Variants in DDTL observed in about 807,000 individuals in gnomAD.
DDTL encodes the protein putative D-dopachrome decarboxylase-like protein.
In DDTL, 1 loss-of-function variant was observed where a neutral mutation model predicts 1.1. The ratio of observed to expected loss-of-function variants is 0.91; its 90% CI spans 0.32 to 4.31. DDTL has a LOEUF of 4.31. Ranked by LOEUF, DDTL falls within the 30% of genes most tolerant of loss-of-function variation. The probability of loss-of-function intolerance (pLI) is 0.17; values close to 1 mark genes in which losing one functional copy is unlikely to be tolerated. For synonymous variants in DDTL, 21 were observed against 16.6 expected (o/e 1.26, Z -0.64); for missense variants, 54 against 48.9 (o/e 1.10, Z -0.31).
intron 2 of DDTL, 109 bp from the exon 3 acceptor site, chr22:23,971,176 GA>G: frequency 2.0e-6 from 3 of 1,487,530 alleles, no homozygotes; most frequent in South Asian, 2.8e-5. Flanking sequence ...GCCCCAGCTG[GA>G]CCAGCTGCTC....
rs538185397 is a variant in DDTL at position 23,969,346 on chromosome 22, G to A, written c.284+1785G>A. The A allele has an allele frequency of 4.1e-6, 4 of 985,516 alleles. No homozygotes were observed. In the African/African-American group the frequency reaches 5.2e-5, roughly 13 times the overall value. 61.0% of individuals were successfully genotyped at this position (985,516 alleles called of 1,614,324 possible). On this transcript the variant is annotated intron_variant, in intron 2 of 2. Transcript: ENST00000215770. ...CTGTGCCCAACCTTTGAGAAAACAG[G>A]TGTCTGAGGTACTGTGTCCTTAGGG...
In DDTL at chr22:23,969,600, C is replaced by T. The variant is rs2033862536; in HGVS notation, c.285-1686C>T. The T allele has an allele frequency of 1.2e-5, 12 of 985,370 alleles. No homozygotes were observed. In the South Asian group the frequency reaches 4.7e-4, roughly 39 times the overall value. 61.0% of individuals were successfully genotyped at this position (985,370 alleles called of 1,614,324 possible). A position where few individuals can be genotyped will look rare whatever the true frequency, so the allele number is the denominator to read the frequency against. ...GCAAAATGGGCTGAGGTGGGAGGAT[C>T]ACTTAAGCCCAGGAATTCAAGACCA... is the stretch of plus-strand genomic sequence containing the variant. On this transcript the variant is annotated intron_variant, in intron 2 of 2. Coordinates refer to ENST00000215770, the MANE Select transcript of DDTL (RefSeq NM_001084393.2).
chr22:23,970,727 AGTGT>A (rs1271918578), intron 2 of DDTL, among the ~76,000 whole-genome samples: 2 of 152,104 alleles, frequency 1.3e-5, no homozygotes, highest in Admixed American at 6.5e-5. Context: ...TGTGTCCATG[AGTGT>A]GTAAGTGTGC....
chr22:23,971,631 A>G lies in DDTL; in HGVS notation c.*225A>G. 1 of 1,600,478 alleles carries G rather than the reference A, an allele frequency of 6.2e-7. No individual in the cohort carries two copies. Among genetic ancestry groups the G allele is most frequent in the Non-Finnish European group, 8.6e-7 (1 of 1,168,482 alleles). Reference sequence around the variant, plus strand: ...AAAAAGCGGATAAGTATCCTTCAGGAGACAGAGAAAAAGATATCATCAGCT... The same window carrying G: ...AAAAAGCGGATAAGTATCCTTCAGGGGACAGAGAAAAAGATATCATCAGCT... On this transcript the variant is annotated 3_prime_UTR_variant, in exon 3 of 3. Transcript: ENST00000215770.
chr22:23,969,727 A>G (rs570540010), intron 2 of DDTL: 3 of 981,516 alleles, frequency 3.1e-6, no homozygotes, highest in Non-Finnish European at 3.6e-6. Flanking sequence ...GCTGAGGCAG[A>G]AGGTTTGTTT....
intron 2 of DDTL, 101 bp from the exon 3 acceptor site, chr22:23,971,185 C>T: frequency 6.6e-7 from 1 of 1,505,472 alleles, no homozygotes. Context: ...GGACCAGCTG[C>T]TCACACCTTC....
chr22:23,970,869 A>G lies in DDTL; in HGVS notation c.285-417A>G, dbSNP rs142132285. Among the ~76,000 whole-genome samples, 677 of 152,230 alleles carry G rather than the reference A, an allele frequency of 4.4e-3. 5 individuals are homozygous for G. The highest frequency in any genetic ancestry group is 7.8e-3 in the Non-Finnish European group (529 of 68,000). ...ATGAAAAGTGGTGCTACTGCCAGGA[A>G]GGGGTGATGGGGCAGCTGGGAGGAC... On this transcript the variant is annotated intron_variant, in intron 2 of 2. Coordinates refer to ENST00000215770, the MANE Select transcript of DDTL (RefSeq NM_001084393.2).
rs970908409 is a variant in DDTL at position 23,971,018 on chromosome 22, G to A, written c.285-268G>A. Among the ~76,000 whole-genome samples, 472 of 152,360 alleles carry A rather than the reference G, an allele frequency of 3.1e-3. 6 individuals are homozygous for A. The highest frequency in any genetic ancestry group is 0.03 in the East Asian group (158 of 5,184). ...CCCCAAAGGGACACAGGCAACCCCT[G>A]CCTCCACTCTACAGTGGGGAAAAGG... On this transcript the variant is annotated intron_variant, in intron 2 of 2. Transcript: ENST00000215770.
At chr22:23,968,857 A>AT in intron 2 of DDTL, 1 of 10,996 alleles carries the variant, frequency 9.1e-5, no homozygotes, top group African/African-American at 3.5e-4. Flanking sequence ...ATTAGGTATT[A>AT]TAAGTAACCC....
chr22:23,970,015 G>A (rs4822466), intron 2 of DDTL: 126,616 of 266,120 alleles, frequency 0.48, 33,568 homozygotes, highest in South Asian at 0.58. Flanking sequence ...GAGGGACAGG[G>A]AAGGGTCCCT....
chr22:23,970,155 C>T (rs972323947), intron 2 of DDTL, among the ~76,000 whole-genome samples: 2 of 152,120 alleles, frequency 1.3e-5, no homozygotes, highest in South Asian at 4.1e-4. Context: ...CGCTGAGGGC[C>T]AAAGGCGGAG....
At chr22:23,970,396 G>A (rs1212339801) in intron 2 of DDTL, among the ~76,000 whole-genome samples, 1 of 152,064 alleles carries the variant, frequency 6.6e-6, no homozygotes, top group Admixed American at 6.6e-5. Flanking sequence ...TTGAGTATGT[G>A]GGTGGATAAG....
In DDTL at chr22:23,971,848, G is replaced by C. The variant is rs1476510000; in HGVS notation, c.*442G>C. On this transcript the variant is annotated 3_prime_UTR_variant, in exon 3 of 3. Coordinates refer to ENST00000215770, the MANE Select transcript of DDTL (RefSeq NM_001084393.2). ...CGCACATCATGACCCAGCTAGGACA[G>C]ACACACAATACAGTAGCCTCGGTGT... The C allele has an allele frequency of 3.5e-6, 2 of 567,858 alleles. No homozygotes were observed. Among genetic ancestry groups the C allele is most frequent in the Non-Finnish European group, 6.2e-6 (2 of 321,100 alleles). 35.2% of individuals were successfully genotyped at this position (567,858 alleles called of 1,614,324 possible). A position where few individuals can be genotyped will look rare whatever the true frequency, so the allele number is the denominator to read the frequency against.
At chr22:23,971,169 C>T in intron 2 of DDTL, 117 bp from the exon 3 acceptor site, 1 of 1,466,880 alleles carries the variant, frequency 6.8e-7, no homozygotes, top group South Asian at 1.4e-5. Context: ...CAGGAAGGCC[C>T]CAGCTGGACC....
Position 23,971,552 on chromosome 22 carries a change from CAT to C in DDTL, c.*148_*149del, listed in dbSNP as rs1252676122. On this transcript the variant is annotated 3_prime_UTR_variant, in exon 3 of 3. Transcript: ENST00000215770. ...TGCCCTGGATCCCTCCGTGCCCAAT[CAT>C]AAAAAAGTCATGACCGTCCCTATCT... The C allele has an allele frequency of 6.2e-7, 1 of 1,614,034 alleles. No homozygotes were observed. The highest frequency in any genetic ancestry group is 1.3e-5 in the African/African-American group (1 of 75,034).
At chr22:23,969,135 T>C in intron 2 of DDTL, 3 of 979,842 alleles carry the variant, frequency 3.1e-6, no homozygotes, top group Non-Finnish European at 3.6e-6. Context: ...AGACAAGACA[T>C]GCTATCCCCA....
At chr22:23,969,929 G>A (rs1373165129) in intron 2 of DDTL, 22 of 886,100 alleles carry the variant, frequency 2.5e-5, no homozygotes, top group Middle Eastern at 5.7e-4. Flanking sequence ...CTGGGAGAGC[G>A]ACCTCGGCTG....
intron 2 of DDTL, among the ~76,000 whole-genome samples, chr22:23,971,017 T>C (rs1361822075): frequency 6.6e-6 from 1 of 151,666 alleles, no homozygotes; most frequent in African/African-American, 2.4e-5. Flanking sequence ...AGGCAACCCC[T>C]GCCTCCACTC....
Position 23,969,727 on chromosome 22 carries a change from A to T in DDTL, c.285-1559A>T, listed in dbSNP as rs570540010. ...CAAACTACATGGGAGGCTGAGGCAG[A>T]AGGTTTGTTTAGGCCCAGGAGGTCG... On this transcript the variant is annotated intron_variant, in intron 2 of 2. Transcript: ENST00000215770. 14 of 981,398 alleles carry T rather than the reference A, an allele frequency of 1.4e-5. No homozygotes were observed. In the East Asian group the frequency reaches 1.0e-3, roughly 72 times the overall value. 60.8% of individuals were successfully genotyped at this position (981,398 alleles called of 1,614,324 possible).
Sources: gnomAD v4.1 joint callset for allele counts (sites outside exome capture counted in the v4.1 genomes callset) on GRCh38, gnomAD v4.1.1 for gene constraint, MANE v1.5 for transcripts, NCBI Gene and HGNC (gene_info 2026-07-23, HGNC 2026-07-21) for gene names.